CNGA3: variants seen among roughly 807,000 people sequenced by gnomAD.
The protein encoded by CNGA3 is cyclic nucleotide gated channel subunit alpha 3, also known as cyclic nucleotide-gated channel alpha-3.
In CNGA3, 42 loss-of-function variants were observed where a neutral mutation model predicts 46.6. That is an observed-to-expected ratio of 0.90 (90% CI 0.70 to 1.17). The LOEUF is 1.17. Among genes scored for constraint, CNGA3 ranks in the 50% most tolerant of loss-of-function variants. CNGA3 has a pLI of 0.00. For synonymous variants in CNGA3, 394 were observed against 369.4 expected (o/e 1.07, Z -0.76); for missense variants, 893 against 890.7 (o/e 1.00, Z -0.03).
At chr2:98,385,900 AACTC>A (rs1692643736) in intron 5 of CNGA3, among the ~76,000 whole-genome samples, 1 of 152,186 alleles carries the variant, frequency 6.6e-6, no homozygotes, top group South Asian at 2.1e-4. Flanking sequence ...ATCTCAAGAA[AACTC>A]ACTCACTGTC....
rs753564014 is a variant in CNGA3 at position 98,389,821 on chromosome 2, C to T, written c.566+47C>T. The T allele has an allele frequency of 4.0e-6, 6 of 1,510,938 alleles. No individual in the cohort carries two copies. In the South Asian group the frequency reaches 5.6e-5, roughly 14 times the overall value. 93.6% of individuals were successfully genotyped at this position (1,510,938 alleles called of 1,614,324 possible). On this transcript the variant is annotated intron_variant, in intron 6 of 7. Transcript: ENST00000272602. ...TGCAGCGGAAAGGGGGAAACCAGGG[C>T]ACCAGGCCCAGGAGCCAGAGCTCCA...
At chr2:98,351,721 T>C (rs1446844612) in intron 1 of CNGA3, among the ~76,000 whole-genome samples, 1 of 152,240 alleles carries the variant, frequency 6.6e-6, no homozygotes, top group African/African-American at 2.4e-5. Context: ...CTCAAAAATG[T>C]GATGGTCATT....
intron 1 of CNGA3, among the ~76,000 whole-genome samples, chr2:98,357,275 A>T (rs554641242): frequency 6.6e-6 from 1 of 152,356 alleles, no homozygotes; most frequent in African/African-American, 2.4e-5. Flanking sequence ...AGAGCCCAGG[A>T]TGAGCACTGG....
intron 4 of CNGA3, among the ~76,000 whole-genome samples, chr2:98,382,835 AGAG>A (rs1205359860): frequency 2.6e-5 from 4 of 152,142 alleles, no homozygotes; most frequent in Non-Finnish European, 2.9e-5. Context: ...GGAGAGGACA[AGAG>A]GAGGAGAAAC....
chr2:98,375,853 G>C (rs1692391295), intron 2 of CNGA3, among the ~76,000 whole-genome samples: 1 of 152,026 alleles, frequency 6.6e-6, no homozygotes. Context: ...AATCTCGGCT[G>C]TACCACCTGG....
At chr2:98,352,730 A>G (rs187699320) in intron 1 of CNGA3, among the ~76,000 whole-genome samples, 26 of 152,264 alleles carry the variant, frequency 1.7e-4, no homozygotes, top group South Asian at 8.3e-4. Flanking sequence ...GTAGGATAAA[A>G]TGTAGAAGAA....
intron 1 of CNGA3, among the ~76,000 whole-genome samples, chr2:98,351,869 A>C (rs1024481691): frequency 2.8e-4 from 42 of 152,214 alleles, no homozygotes; most frequent in African/African-American, 1.0e-3. Flanking sequence ...TATAATTTTC[A>C]TGCCACAAAT....
chr2:98,396,944 C>T lies in CNGA3; in HGVS notation c.1774C>T (p.Pro592Ser). 4 of 1,614,122 alleles carry T rather than the reference C, an allele frequency of 2.5e-6. No homozygotes were observed. In the South Asian group the frequency reaches 4.4e-5, roughly 18 times the overall value. ...TCTCATGGAGGCCCTCACCGAGTACCCCGAAGCCAAGAAGGCCCTGGAGGA... is the reference window on the plus strand; with the variant it reads ...TCTCATGGAGGCCCTCACCGAGTACTCCGAAGCCAAGAAGGCCCTGGAGGA... Reference protein sequence around the residue: ...DDLMEALTEYPEAKKALEEKG... With the variant: ...DDLMEALTEYSEAKKALEEKG... The change falls in exon 8 of 8, where the codon CCC (proline) becomes TCC (serine). Residue 592 changes from proline to serine, a missense_variant. By Grantham distance (74) the Pro-to-Ser change is moderately conservative. Around this residue, in one of 3 missense-constraint regions of CNGA3, gnomAD observed 548 missense variants for 570.8 expected, o/e 0.96. Transcript: ENST00000272602.
chr2:98,370,755 G>A (rs1032912729), intron 2 of CNGA3, among the ~76,000 whole-genome samples: 2 of 152,174 alleles, frequency 1.3e-5, no homozygotes, highest in African/African-American at 4.8e-5. Context: ...CAAGCTCCTG[G>A]TATAATAGTG....
At position 98,374,878 on chromosome 2, in the gene CNGA3, G is replaced by GCATCC. The variant is rs1224267109; in HGVS notation, c.102-2809_102-2808insCATCC. Among the ~76,000 whole-genome samples the GCATCC allele has an allele frequency of 2.0e-5, 3 of 152,258 alleles. No homozygotes were observed. The East Asian group carries it at 5.8e-4, about 29-fold the overall frequency. Reference sequence around the variant, plus strand: ...ACTTGCATCATGTAAGGATCTCCCTGTTCTTCACGGCCAGTTGTGCCTTTC... The same window carrying GCATCC: ...ACTTGCATCATGTAAGGATCTCCCTGCATCCTTCTTCACGGCCAGTTGTGCCTTTC... On this transcript the variant is annotated intron_variant, in intron 2 of 7. Transcript: ENST00000272602.
At chr2:98,375,000 C>G (rs1692371921) in intron 2 of CNGA3, among the ~76,000 whole-genome samples, 1 of 152,226 alleles carries the variant, frequency 6.6e-6, no homozygotes, top group Admixed American at 6.5e-5. Context: ...GACCAGCCCA[C>G]AGAATACTCA....
intron 1 of CNGA3, among the ~76,000 whole-genome samples, chr2:98,354,964 G>T (rs1371372806): frequency 1.3e-5 from 2 of 152,124 alleles, no homozygotes; most frequent in African/African-American, 4.8e-5. Flanking sequence ...GATACCCTTT[G>T]TTAGGTTGAG....
chr2:98,373,443 G>A (rs978902064), intron 2 of CNGA3, among the ~76,000 whole-genome samples: 2 of 152,112 alleles, frequency 1.3e-5, no homozygotes, highest in Admixed American at 6.5e-5. Context: ...GGAAACCTGC[G>A]TGTGGGTATG....
At chr2:98,377,938 T>C (rs555251415) in intron 3 of CNGA3, 138 bp downstream of exon 3, 36 of 1,337,138 alleles carry the variant, frequency 2.7e-5, no homozygotes, top group Middle Eastern at 1.9e-4. Context: ...CAGAGCAGCC[T>C]GAAAACTATC....
At chr2:98,375,074 C>T (rs1186846683) in intron 2 of CNGA3, among the ~76,000 whole-genome samples, 8 of 152,236 alleles carry the variant, frequency 5.3e-5, no homozygotes, top group Admixed American at 1.3e-4. Flanking sequence ...TGCCTCCTCC[C>T]CCTGAGTGGG....
intron 1 of CNGA3, among the ~76,000 whole-genome samples, chr2:98,349,350 T>A (rs1418185779): frequency 6.6e-6 from 1 of 152,060 alleles, no homozygotes; most frequent in African/African-American, 2.4e-5. Flanking sequence ...GCTCACTTGA[T>A]CCAAATTATG....
intron 2 of CNGA3, 101 bp downstream of exon 2, chr2:98,370,177 C>T: frequency 1.0e-6 from 1 of 970,378 alleles, no homozygotes; most frequent in South Asian, 1.4e-5. Context: ...GTTGGCCAGC[C>T]ACAGGTCAGA....
intron 1 of CNGA3, among the ~76,000 whole-genome samples, chr2:98,357,761 A>G (rs935891068): frequency 5.3e-5 from 8 of 152,240 alleles, no homozygotes; most frequent in Non-Finnish European, 4.4e-5. Context: ...ATACACATTC[A>G]TTTGGGAGAT....
In CNGA3 at chr2:98,389,737, C is replaced by G; in HGVS notation, c.529C>G (p.Leu177Val). 6.2e-7 allele frequency: 1 copy of G among 1,613,532 alleles called. No homozygotes were observed. Among genetic ancestry groups the G allele is most frequent in the African/African-American group, 1.3e-5 (1 of 75,026 alleles). The change falls in exon 6 of 8, where the codon CTG (leucine) becomes GTG (valine). Residue 177 changes from leucine to valine, a missense_variant. Around this residue, in one of 3 missense-constraint regions of CNGA3, gnomAD observed 333 missense variants for 290.8 expected, o/e 1.15. Coordinates refer to ENST00000272602, the MANE Select transcript of CNGA3 (RefSeq NM_001298.3). ...CTACCGCTGGCTGACCGCCATCGCC[C>G]TGCCTGTCTTCTATAACTGGTATCT... ...LYYRWLTAIA[L>V]PVFYNWYLLI...
Sources: gnomAD v4.1 joint callset for allele counts (sites outside exome capture counted in the v4.1 genomes callset) on GRCh38, gnomAD v4.1.1 for gene constraint, gnomAD v4.1.1 regional missense constraint, MANE v1.5 for transcripts, NCBI Gene and HGNC (gene_info 2026-07-23, HGNC 2026-07-21) for gene names.